Variants in NAALADL2 observed in about 807,000 individuals in gnomAD.
NAALADL2 encodes N-acetylated alpha-linked acidic dipeptidase like 2.
Under a neutral mutation model 87.2 loss-of-function variants are expected in NAALADL2, and 76 were observed. The observed-to-expected ratio is 0.87, with a 90% CI of 0.72 to 1.05. The LOEUF is 1.05. Ranked by LOEUF, NAALADL2 falls within the 50% of genes least tolerant of loss-of-function variation. The pLI is 0.00. For synonymous variants in NAALADL2, 354 were observed against 331.0 expected (o/e 1.07, Z -0.75); for missense variants, 1,089 against 945.8 (o/e 1.15, Z -1.99).
At chr3:174,492,605 G>A (rs1718272342) in intron 1 of NAALADL2, among the ~76,000 whole-genome samples, 3 of 152,194 alleles carry the variant, frequency 2.0e-5, no homozygotes, top group African/African-American at 7.2e-5. Flanking sequence ...TGTCTTCAGA[G>A]AGTGGATGAA....
intron 1 of NAALADL2, among the ~76,000 whole-genome samples, chr3:174,497,281 A>G (rs141742752): frequency 0.013 from 2,052 of 152,094 alleles, 22 homozygotes; most frequent in Middle Eastern, 0.02. Context: ...TGTCTTCCTG[A>G]TATTATAATA....
chr3:174,654,430 G>A (rs537429463), intron 2 of NAALADL2, among the ~76,000 whole-genome samples: 1 of 152,058 alleles, frequency 6.6e-6, no homozygotes, highest in South Asian at 2.1e-4. Flanking sequence ...AATTAGAAAG[G>A]GCTAACTTGA....
chr3:174,449,252 T>C (rs976816726), intron 1 of NAALADL2, among the ~76,000 whole-genome samples: 1 of 152,114 alleles, frequency 6.6e-6, no homozygotes, highest in African/African-American at 2.4e-5. Context: ...GTGGAGCAAA[T>C]AGAGGGGTCT....
chr3:174,787,584 T>TGTATATATATAC (rs1560225453), intron 3 of NAALADL2, among the ~76,000 whole-genome samples: 1 of 59,214 alleles, frequency 1.7e-5, no homozygotes, highest in African/African-American at 5.8e-5. Flanking sequence ...ATCATATATA[T>TGTATATATATAC]ATATATATAT....
chr3:174,580,281 T>G (rs1716017593), intron 2 of NAALADL2, among the ~76,000 whole-genome samples: 1 of 152,082 alleles, frequency 6.6e-6, no homozygotes, highest in Non-Finnish European at 1.5e-5. Context: ...GAAAGGCTAT[T>G]AGTTCTTAAT....
intron 1 of NAALADL2, among the ~76,000 whole-genome samples, chr3:175,005,456 T>A (rs1326156700): frequency 2.6e-5 from 4 of 152,182 alleles, no homozygotes; most frequent in African/African-American, 9.7e-5. Context: ...TCGAACCTCC[T>A]TGTGAAAAGG....
intron 1 of NAALADL2, among the ~76,000 whole-genome samples, chr3:174,917,416 C>A (rs1734562324): frequency 1.3e-5 from 2 of 152,032 alleles, no homozygotes; most frequent in South Asian, 4.1e-4. Flanking sequence ...TGAACAAAGA[C>A]CTGAAACTGA....
chr3:175,261,853 C>T (rs1181516443), intron 4 of NAALADL2, among the ~76,000 whole-genome samples: 2 of 151,922 alleles, frequency 1.3e-5, no homozygotes, highest in Non-Finnish European at 2.9e-5. Flanking sequence ...ATTGTTGTCC[C>T]TTATTGGGCC....
intron 4 of NAALADL2, among the ~76,000 whole-genome samples, chr3:175,316,880 A>T (rs1252260697): frequency 6.6e-6 from 1 of 152,134 alleles, no homozygotes; most frequent in Admixed American, 6.5e-5. Context: ...AAAATAGATA[A>T]TTTCTGAAAT....
intron 4 of NAALADL2, among the ~76,000 whole-genome samples, chr3:175,281,771 A>C (rs985268581): frequency 1.3e-5 from 2 of 151,970 alleles, no homozygotes; most frequent in Non-Finnish European, 2.9e-5. Context: ...TGAATATTTC[A>C]ATTTTGTTTA....
chr3:175,748,100 A>G (rs527524089), intron 12 of NAALADL2, among the ~76,000 whole-genome samples: 24 of 152,212 alleles, frequency 1.6e-4, no homozygotes, highest in African/African-American at 5.5e-4. Context: ...GTTTAGCTAT[A>G]ATTATCCATT....
rs138953337 is a variant in NAALADL2 at position 175,373,176 on chromosome 3, C to A, written c.1090+48851C>A. Among the ~76,000 whole-genome samples, 450 of 152,034 alleles carry A rather than the reference C, an allele frequency of 3.0e-3. 3 individuals are homozygous for A. The highest frequency in any genetic ancestry group is 0.01 in the African/African-American group (418 of 41,440). ...TTTTGTGAAACATATTGAGAAGTAA[C>A]TTAAATATAAAAAAAAGCACCCAAT... On this transcript the variant is annotated intron_variant, in intron 5 of 13. Transcript: ENST00000454872.
At chr3:175,385,341 C>G (rs933958121) in intron 5 of NAALADL2, among the ~76,000 whole-genome samples, 2 of 152,038 alleles carry the variant, frequency 1.3e-5, no homozygotes, top group African/African-American at 2.4e-5. Context: ...ATAATAGATT[C>G]CATTGTGAAA....
At chr3:175,055,294 G>A (rs1711895747) in intron 1 of NAALADL2, among the ~76,000 whole-genome samples, 1 of 152,186 alleles carries the variant, frequency 6.6e-6, no homozygotes, top group East Asian at 1.9e-4. Flanking sequence ...AACAGAAGTA[G>A]ATATAACAAT....
At chr3:174,833,470 T>C (rs1722972436) in intron 3 of NAALADL2, among the ~76,000 whole-genome samples, 1 of 152,110 alleles carries the variant, frequency 6.6e-6, no homozygotes, top group Non-Finnish European at 1.5e-5. Flanking sequence ...GCAAATAGTA[T>C]CATACATTTA....
intron 5 of NAALADL2, among the ~76,000 whole-genome samples, chr3:175,398,972 AC>A (rs1770196226): frequency 6.6e-6 from 1 of 151,968 alleles, no homozygotes; most frequent in South Asian, 2.1e-4. Context: ...TACTCCATAA[AC>A]AGAGTAGAGC....
chr3:175,760,923 G>A (rs1002395451), intron 13 of NAALADL2, among the ~76,000 whole-genome samples: 2 of 152,164 alleles, frequency 1.3e-5, no homozygotes, highest in Non-Finnish European at 2.9e-5. Flanking sequence ...TGAGCAGAAA[G>A]TACGGAATTC....
At chr3:174,927,639 A>G (rs1329666937) in intron 1 of NAALADL2, among the ~76,000 whole-genome samples, 2 of 152,234 alleles carry the variant, frequency 1.3e-5, no homozygotes, top group Admixed American at 6.5e-5. Flanking sequence ...AGGCAGAAAT[A>G]AAGATGTTCT....
At chr3:175,091,944 C>G (rs1187844355) in intron 1 of NAALADL2, among the ~76,000 whole-genome samples, 1 of 151,866 alleles carries the variant, frequency 6.6e-6, no homozygotes, top group African/African-American at 2.4e-5. Context: ...AGCCTGAGGT[C>G]TCAGGTCATA....
Sources: allele counts gnomAD v4.1 joint callset (sites outside exome capture counted in the v4.1 genomes callset), GRCh38; gene constraint gnomAD v4.1.1; transcripts MANE v1.5; gene names NCBI Gene and HGNC (gene_info 2026-07-23, HGNC 2026-07-21).